Variants in KLF12 observed in about 807,000 individuals in gnomAD.
KLF12 encodes the protein Krueppel-like factor 12.
In KLF12, 9 loss-of-function variants were observed where a neutral mutation model predicts 37.8. The ratio of observed to expected loss-of-function variants is 0.24; its 90% CI spans 0.14 to 0.42. KLF12 has a LOEUF of 0.42. Ranked by LOEUF, KLF12 falls within the 10% of genes least tolerant of loss-of-function variation. The pLI, the probability that KLF12 is intolerant of heterozygous loss-of-function variation, is 1.00. For missense variants in KLF12, 411 were observed against 516.0 expected (o/e 0.80, Z 1.97); for synonymous variants, 208 against 202.1 (o/e 1.03, Z -0.25).
chr13:74,098,222 T>C (rs1876093543), intron 1 of KLF12, among the ~76,000 whole-genome samples: 1 of 152,226 alleles, frequency 6.6e-6, no homozygotes, highest in East Asian at 1.9e-4. Context: ...GCTTAGAATC[T>C]TGAATTACAC....
chr13:74,220,417 G>A, the KLF12 span, among the ~76,000 whole-genome samples: 1 of 152,140 alleles, frequency 6.6e-6, no homozygotes, highest in African/African-American at 2.4e-5. Context: ...TAATTGACAA[G>A]TAAAAATTGT....
At chr13:73,924,078 A>G (rs867988343) in intron 3 of KLF12, among the ~76,000 whole-genome samples, 1 of 152,234 alleles carries the variant, frequency 6.6e-6, no homozygotes, top group South Asian at 2.1e-4. Flanking sequence ...TGAAAAGGCA[A>G]AAGAAAGCAC....
chr13:73,786,702 G>GA (rs913067775), intron 5 of KLF12, among the ~76,000 whole-genome samples: 4 of 125,186 alleles, frequency 3.2e-5, no homozygotes, highest in African/African-American at 1.2e-4. Flanking sequence ...GGGCAACATG[G>GA]AAAAACCCCA....
At chr13:74,086,536 G>C (rs941920777) in intron 1 of KLF12, among the ~76,000 whole-genome samples, 1 of 152,014 alleles carries the variant, frequency 6.6e-6, no homozygotes, top group Non-Finnish European at 1.5e-5. Context: ...ATTTGGGTTG[G>C]AGGAATCACT....
At chr13:74,276,378 C>T in the KLF12 span, among the ~76,000 whole-genome samples, 1 of 152,068 alleles carries the variant, frequency 6.6e-6, no homozygotes, top group Non-Finnish European at 1.5e-5. Context: ...CTCCCAAAGT[C>T]ATATAAATTG....
chr13:74,007,826 T>C (rs1269361745), intron 1 of KLF12, among the ~76,000 whole-genome samples: 3 of 151,064 alleles, frequency 2.0e-5, no homozygotes, highest in South Asian at 2.1e-4. Context: ...CATTTATACC[T>C]GGAAATTTAA....
At chr13:74,103,182 T>C (rs1245679927) in intron 1 of KLF12, among the ~76,000 whole-genome samples, 1 of 152,252 alleles carries the variant, frequency 6.6e-6, no homozygotes, top group Non-Finnish European at 1.5e-5. Flanking sequence ...AAATTATTTA[T>C]AAGTAATTTT....
intron 1 of KLF12, among the ~76,000 whole-genome samples, chr13:74,018,114 C>T (rs112091740): frequency 0.071 from 10,623 of 149,382 alleles, 496 homozygotes; most frequent in Non-Finnish European, 0.1. Context: ...AAAAAATATA[C>T]ACACGATTCA....
At chr13:74,205,278 C>T in the KLF12 span, among the ~76,000 whole-genome samples, 482 of 152,214 alleles carry the variant, frequency 3.2e-3, 3 homozygotes, top group African/African-American at 0.011. Context: ...AAACAAATGG[C>T]AACATTTTAT....
At chr13:73,825,611 T>A (rs2138536392) in intron 4 of KLF12, among the ~76,000 whole-genome samples, 1 of 152,324 alleles carries the variant, frequency 6.6e-6, no homozygotes, top group South Asian at 2.1e-4. Context: ...GCCAGGCAAA[T>A]TTCTGATAAA....
the KLF12 span, among the ~76,000 whole-genome samples, chr13:74,249,079 C>A: frequency 6.6e-6 from 1 of 152,052 alleles, no homozygotes; most frequent in East Asian, 1.9e-4. Context: ...TGGAGCCAGA[C>A]AAACGTGAGT....
chr13:74,253,639 A>G, the KLF12 span, among the ~76,000 whole-genome samples: 1 of 152,224 alleles, frequency 6.6e-6, no homozygotes, highest in East Asian at 1.9e-4. Context: ...CCTCTTTCCC[A>G]TTAAAACTTG....
chr13:73,700,161 G>C (rs1874438490), intron 7 of KLF12, among the ~76,000 whole-genome samples: 1 of 152,018 alleles, frequency 6.6e-6, no homozygotes, highest in African/African-American at 2.4e-5. Flanking sequence ...CAGCTACTTG[G>C]GAGGCTGAGG....
intron 5 of KLF12, among the ~76,000 whole-genome samples, chr13:73,780,519 G>A (rs1880900039): frequency 1.4e-5 from 2 of 146,356 alleles, no homozygotes; most frequent in African/African-American, 5.0e-5. Context: ...CGCTCTTGTT[G>A]CCCAGGCTGG....
chr13:73,739,227 C>G (rs559612137), intron 6 of KLF12, among the ~76,000 whole-genome samples: 14 of 128,558 alleles, frequency 1.1e-4, no homozygotes, highest in African/African-American at 2.8e-4. Flanking sequence ...GAGTGAGACT[C>G]TGTCTCAAAT....
intron 2 of KLF12, among the ~76,000 whole-genome samples, chr13:73,976,246 C>T (rs1412155990): frequency 1.3e-5 from 2 of 151,920 alleles, no homozygotes; most frequent in Admixed American, 6.6e-5. Flanking sequence ...TTCACAGCAA[C>T]TCTCAATACA....
rs1172492865 is a variant in KLF12 at position 73,693,412 on chromosome 13, G to A, written c.*2078C>T. ...ACTAGAACTGCAGCCCTTGTTGGAG[G>A]GAAATTGCTTGATGAATTTTTGAGA... On this transcript the variant is annotated 3_prime_UTR_variant, in exon 8 of 8. Coordinates refer to ENST00000377669, the MANE Select transcript of KLF12 (RefSeq NM_007249.5). 6.6e-6 allele frequency: 1 copy of A among 152,158 alleles called. No individual in the cohort carries two copies. The highest frequency in any genetic ancestry group is 6.5e-5 in the Admixed American group (1 of 15,270). The allele number at this position is 152,158 out of a possible 1,614,324, so 9.4% of individuals were successfully genotyped here.
At chr13:73,947,256 G>T (rs1211820321) in intron 2 of KLF12, among the ~76,000 whole-genome samples, 1 of 152,164 alleles carries the variant, frequency 6.6e-6, no homozygotes, top group Non-Finnish European at 1.5e-5. Flanking sequence ...TGAATTGTTT[G>T]AATTAATGAA....
chr13:73,701,006 T>C (rs1874515670), intron 7 of KLF12, among the ~76,000 whole-genome samples: 1 of 152,224 alleles, frequency 6.6e-6, no homozygotes, highest in Non-Finnish European at 1.5e-5. Flanking sequence ...AAATGAGCCC[T>C]GAAAGGCTAT....
Sources: gnomAD v4.1 joint callset for allele counts (sites outside exome capture counted in the v4.1 genomes callset) on GRCh38, gnomAD v4.1.1 for gene constraint, MANE v1.5 for transcripts, NCBI Gene and HGNC (gene_info 2026-07-23, HGNC 2026-07-21) for gene names.